AGFG1: variants seen among roughly 807,000 people sequenced by gnomAD.
The protein encoded by AGFG1 is arf-GAP domain and FG repeat-containing protein 1.
AGFG1 carries 10 observed loss-of-function variants against 60.6 expected under a neutral mutation model. That is an observed-to-expected ratio of 0.16 (90% CI 0.10 to 0.28). The LOEUF is 0.28. Ranked by LOEUF, AGFG1 falls within the 10% of genes least tolerant of loss-of-function variation. The pLI, the probability that AGFG1 is intolerant of heterozygous loss-of-function variation, is 1.00. For synonymous variants in AGFG1, 247 were observed against 242.9 expected (o/e 1.02, Z -0.16); for missense variants, 537 against 676.5 (o/e 0.79, Z 2.29).
At chr2:227,532,945 G>C (rs1307356915) in intron 6 of AGFG1, among the ~76,000 whole-genome samples, 1 of 152,062 alleles carries the variant, frequency 6.6e-6, no homozygotes, top group Non-Finnish European at 1.5e-5. Context: ...TTAATGCCTT[G>C]AACTATATGG....
chr2:227,509,556 TA>T (rs1434148117), intron 2 of AGFG1, among the ~76,000 whole-genome samples: 2 of 152,140 alleles, frequency 1.3e-5, no homozygotes, highest in Non-Finnish European at 2.9e-5. Flanking sequence ...AATATACATT[TA>T]GGGGTAAAAG....
At chr2:227,547,645 T>C (rs1692692126) in intron 10 of AGFG1, among the ~76,000 whole-genome samples, 1 of 152,192 alleles carries the variant, frequency 6.6e-6, no homozygotes. Context: ...TGAATAGACA[T>C]TTCTCTAAGA....
chr2:227,478,097 A>G (rs1328306372), intron 1 of AGFG1, among the ~76,000 whole-genome samples: 2 of 151,630 alleles, frequency 1.3e-5, no homozygotes, highest in East Asian at 1.9e-4. Context: ...ATTCTTTTCA[A>G]TTTGGCATGT....
In AGFG1 at chr2:227,497,613, G is replaced by A. The variant is rs80177481; in HGVS notation, c.261+5973G>A. ...ATTGCTCTTAGTTTCTTCTGTATTG[G>A]TCTTACTGCCCTCAAGACATTATAG... On this transcript the variant is annotated intron_variant, in intron 2 of 12. Coordinates refer to ENST00000310078, the MANE Select transcript of AGFG1 (RefSeq NM_004504.5). Among the ~76,000 whole-genome samples, 992 of 151,152 alleles carry A rather than the reference G, an allele frequency of 6.6e-3. 20 individuals are homozygous for A. The highest frequency in any genetic ancestry group is 0.023 in the African/African-American group (950 of 41,142).
intron 5 of AGFG1, among the ~76,000 whole-genome samples, chr2:227,527,232 T>G (rs1176428017): frequency 2.6e-5 from 4 of 152,048 alleles, no homozygotes; most frequent in African/African-American, 9.6e-5. Context: ...AGTTTTCTAT[T>G]CTATAAATTG....
intron 2 of AGFG1, among the ~76,000 whole-genome samples, chr2:227,508,852 G>T (rs1691407006): frequency 6.6e-6 from 1 of 152,156 alleles, no homozygotes; most frequent in Admixed American, 6.5e-5. Context: ...CTGTAGATTA[G>T]ATCCTGAGAT....
chr2:227,520,104 TCA>T, intron 3 of AGFG1, 41 bp downstream of exon 3: 1 of 1,226,950 alleles, frequency 8.2e-7, no homozygotes. Context: ...CCTCCCCAAA[TCA>T]CATATTAACT....
At chr2:227,501,125 G>A (rs1183988566) in intron 2 of AGFG1, among the ~76,000 whole-genome samples, 6 of 151,948 alleles carry the variant, frequency 3.9e-5, no homozygotes, top group Non-Finnish European at 8.8e-5. Context: ...TGGTCTTGTC[G>A]CTCAGGCTGG....
chr2:227,553,624 G>C, intron 11 of AGFG1, 80 bp from the exon 12 acceptor site: 1 of 1,187,538 alleles, frequency 8.4e-7, no homozygotes, highest in African/African-American at 1.5e-5. Context: ...GAATGTCTCT[G>C]AAAGTTATTA....
intron 2 of AGFG1, among the ~76,000 whole-genome samples, chr2:227,519,467 C>G (rs1691764611): frequency 6.6e-6 from 1 of 152,108 alleles, no homozygotes; most frequent in Non-Finnish European, 1.5e-5. Context: ...ACCAAAAATG[C>G]ATAGGAGACA....
chr2:227,541,476 G>C (rs1424669420), intron 10 of AGFG1, among the ~76,000 whole-genome samples: 1 of 152,104 alleles, frequency 6.6e-6, no homozygotes, highest in African/African-American at 2.4e-5. Context: ...TCTTGTTTTT[G>C]TCAGGTTTGT....
At chr2:227,496,285 C>T (rs995716267) in intron 2 of AGFG1, among the ~76,000 whole-genome samples, 3 of 151,932 alleles carry the variant, frequency 2.0e-5, no homozygotes, top group Admixed American at 6.6e-5. Flanking sequence ...ACACTTTTCC[C>T]TTGTTAACAT....
chr2:227,532,102 T>A (rs1253704447), intron 6 of AGFG1: 2 of 1,492,612 alleles, frequency 1.3e-6, no homozygotes, highest in African/African-American at 2.8e-5. Flanking sequence ...GTTTTTTCTT[T>A]AACTTTCATC....
rs1374948375 is a variant in AGFG1, at chr2:227,526,262, A to G, written c.694+1347A>G. 3.9e-5 allele frequency among the ~76,000 whole-genome samples: 6 copies of G among 152,030 alleles called. 1 individual carries two copies. Among genetic ancestry groups the G allele is most frequent in the African/African-American group, 1.4e-4 (6 of 41,384 alleles). On this transcript the variant is annotated intron_variant, in intron 5 of 12. Transcript: ENST00000310078. ...CGCCGAGGCTGGAGTGCAGTGGTAC[A>G]ATCTTACTGCGACCTCCGCCACCTG...
chr2:227,474,571 C>T (rs916298625), intron 1 of AGFG1, among the ~76,000 whole-genome samples: 1 of 152,164 alleles, frequency 6.6e-6, no homozygotes, highest in African/African-American at 2.4e-5. Flanking sequence ...ATATTTATTG[C>T]CTACTTGTCC....
At chr2:227,480,391 TTTC>T (rs1424604493) in intron 1 of AGFG1, among the ~76,000 whole-genome samples, 1 of 151,406 alleles carries the variant, frequency 6.6e-6, no homozygotes, top group Non-Finnish European at 1.5e-5. Context: ...TCTTTCCATA[TTTC>T]TTATTTTATT....
intron 2 of AGFG1, among the ~76,000 whole-genome samples, chr2:227,498,751 A>C (rs1691058446): frequency 6.6e-6 from 1 of 152,206 alleles, no homozygotes; most frequent in African/African-American, 2.4e-5. Context: ...GATTTATAGA[A>C]GAAGCTAGAT....
chr2:227,528,536 T>G (rs888232913), intron 5 of AGFG1, among the ~76,000 whole-genome samples: 4 of 152,222 alleles, frequency 2.6e-5, no homozygotes, highest in Non-Finnish European at 4.4e-5. Context: ...AGCCAATAAA[T>G]AGAGTAAAAC....
intron 2 of AGFG1, among the ~76,000 whole-genome samples, chr2:227,497,910 A>C (rs763892390): frequency 1.3e-5 from 2 of 151,538 alleles, no homozygotes; most frequent in East Asian, 1.9e-4. Flanking sequence ...ATGCCTGGCT[A>C]ATTTGCTAGG....
Sources: allele counts gnomAD v4.1 joint callset (sites outside exome capture counted in the v4.1 genomes callset), GRCh38; gene constraint gnomAD v4.1.1; transcripts MANE v1.5; gene names NCBI Gene and HGNC (gene_info 2026-07-23, HGNC 2026-07-21).